Variants in OTUD7A observed in about 807,000 individuals in gnomAD.
The protein encoded by OTUD7A is OTU deubiquitinase 7A, also known as OTU domain-containing protein 7A.
A neutral mutation model predicts 65.7 loss-of-function variants in OTUD7A; 12 were observed. The observed-to-expected ratio is 0.18, with a 90% confidence interval of 0.12 to 0.30. The LOEUF is 0.30. Among genes scored for constraint, OTUD7A ranks in the 10% least tolerant of loss-of-function variants. The probability of loss-of-function intolerance (pLI) is 1.00; values close to 1 mark genes in which losing one functional copy is unlikely to be tolerated. For synonymous variants in OTUD7A, 641 were observed against 586.3 expected (o/e 1.09, Z -1.35); for missense variants, 1,148 against 1,304.8 (o/e 0.88, Z 1.85).
At chr15:31,851,785 C>G (rs528923764) in intron 1 of OTUD7A, among the ~76,000 whole-genome samples, 1 of 152,320 alleles carries the variant, frequency 6.6e-6, no homozygotes, top group East Asian at 1.9e-4. Flanking sequence ...ACTCTACAAA[C>G]TTGGAGGCAG....
In OTUD7A at chr15:31,484,458, C is replaced by A; in HGVS notation, c.1638G>T (p.Val546=). 2 of 1,605,150 alleles carry A rather than the reference C, an allele frequency of 1.2e-6. No homozygotes were observed. Among genetic ancestry groups the A allele is most frequent in the Non-Finnish European group, 1.7e-6 (2 of 1,179,916 alleles). ...AGTTGGCGCGGCCCATCTTGCCGTG[C>A]ACCAGGCCGCCGAGGCCGCCCATGT... is the stretch of plus-strand genomic sequence containing the variant. ...KKNMGGLGGL[V]HGKMGRANSA... The change falls in exon 13 of 13, where the codon GTG becomes GTT. Residue 546 remains valine, a synonymous_variant. Coordinates refer to ENST00000307050, the MANE Select transcript of OTUD7A (RefSeq NM_001382637.1). The surrounding 1 kb of genome is among the most constrained non-coding windows in gnomAD (Gnocchi z 4.5).
intron 1 of OTUD7A, among the ~76,000 whole-genome samples, chr15:31,703,753 A>G (rs1347427709): frequency 1.3e-5 from 2 of 150,228 alleles, no homozygotes; most frequent in East Asian, 2.0e-4. Flanking sequence ...ATTCACCCAA[A>G]CACCTTTATA....
At chr15:31,608,215 C>A (rs1890292194) in intron 3 of OTUD7A, among the ~76,000 whole-genome samples, 1 of 151,990 alleles carries the variant, frequency 6.6e-6, no homozygotes, top group South Asian at 2.1e-4. Context: ...GCACTGCACT[C>A]CAGCCTGGAG....
intron 1 of OTUD7A, among the ~76,000 whole-genome samples, chr15:31,863,796 A>T (rs1298485197): frequency 6.6e-6 from 1 of 152,176 alleles, no homozygotes; most frequent in East Asian, 1.9e-4. Flanking sequence ...ACTTATGCAC[A>T]TTTCTGAAGC....
chr15:31,841,368 C>G (rs918673555), intron 1 of OTUD7A, among the ~76,000 whole-genome samples: 1 of 152,168 alleles, frequency 6.6e-6, no homozygotes, highest in African/African-American at 2.4e-5. Context: ...ATGTCCTCAG[C>G]GTCCAAGGCA....
chr15:31,736,533 A>G (rs1251806983), intron 1 of OTUD7A, among the ~76,000 whole-genome samples: 1 of 152,190 alleles, frequency 6.6e-6, no homozygotes, highest in Non-Finnish European at 1.5e-5. Context: ...AAACTGTAGA[A>G]AAGAATGACA....
intron 1 of OTUD7A, among the ~76,000 whole-genome samples, chr15:31,741,455 G>T (rs1489060560): frequency 6.6e-6 from 1 of 152,132 alleles, no homozygotes; most frequent in Non-Finnish European, 1.5e-5. Flanking sequence ...TAAAAGTTGG[G>T]TGATGAATAC....
rs890781375 is a variant in OTUD7A at position 31,617,782 on chromosome 15, T to A, written c.151+37314A>T. Among the ~76,000 whole-genome samples the A allele has an allele frequency of 5.3e-5, 8 of 152,268 alleles. No individual in the cohort carries two copies. The South Asian group carries it at 1.7e-3, about 32-fold the overall frequency. ...TTTTTATTTTTATTTTATTATTTTTTAATTTTTTTATTATACTTTAAGTTC... is the reference window on the plus strand; with the variant it reads ...TTTTTATTTTTATTTTATTATTTTTAAATTTTTTTATTATACTTTAAGTTC... On this transcript the variant is annotated intron_variant, in intron 3 of 12. Coordinates refer to ENST00000307050, the MANE Select transcript of OTUD7A (RefSeq NM_001382637.1).
At chr15:31,597,317 T>C (rs1889934975) in intron 3 of OTUD7A, among the ~76,000 whole-genome samples, 1 of 152,202 alleles carries the variant, frequency 6.6e-6, no homozygotes, top group Non-Finnish European at 1.5e-5. Flanking sequence ...TAGCCCTTTT[T>C]TGGCCTCTCT....
chr15:31,714,033 T>G (rs374614454), intron 1 of OTUD7A, among the ~76,000 whole-genome samples: 3 of 146,804 alleles, frequency 2.0e-5, no homozygotes, highest in Admixed American at 7.0e-5. Context: ...CTGGTGTGAG[T>G]GTAATTAGTA....
intron 3 of OTUD7A, among the ~76,000 whole-genome samples, chr15:31,615,850 C>G (rs533638033): frequency 6.6e-6 from 1 of 152,312 alleles, no homozygotes; most frequent in South Asian, 2.1e-4. Flanking sequence ...AGGCTTCAAC[C>G]GCGGTCTGAG....
intron 4 of OTUD7A, among the ~76,000 whole-genome samples, chr15:31,564,022 G>A (rs1355505509): frequency 1.3e-5 from 2 of 152,050 alleles, no homozygotes; most frequent in African/African-American, 4.8e-5. Context: ...TAAAAAATGA[G>A]CCTAGTAAAT....
chr15:31,726,278 A>G (rs566466197), intron 1 of OTUD7A, among the ~76,000 whole-genome samples: 16 of 152,232 alleles, frequency 1.1e-4, no homozygotes, highest in African/African-American at 3.6e-4. Flanking sequence ...TAGTTCCTAC[A>G]TGACTCTGGA....
intron 8 of OTUD7A, among the ~76,000 whole-genome samples, chr15:31,524,417 C>G (rs1045621964): frequency 2.6e-5 from 4 of 152,136 alleles, no homozygotes; most frequent in African/African-American, 7.2e-5. Flanking sequence ...TTACCTAATC[C>G]CATTGAGGCT....
At chr15:31,514,480 C>G (rs1253828918) in intron 8 of OTUD7A, among the ~76,000 whole-genome samples, 1 of 152,166 alleles carries the variant, frequency 6.6e-6, no homozygotes, top group African/African-American at 2.4e-5. Flanking sequence ...TTATTTTCAT[C>G]TTTCTCTCCC....
chr15:31,574,059 A>G lies in OTUD7A; in HGVS notation c.152-3862T>C, dbSNP rs144633238. Among the ~76,000 whole-genome samples the G allele has an allele frequency of 4.2e-3, 641 of 152,302 alleles. 6 individuals are homozygous for G. The highest frequency in any genetic ancestry group is 0.014 in the African/African-American group (585 of 41,568). Reference sequence around the variant, plus strand: ...AGAGAGAGGGGAGAATGAAGGAAGAAGATAGAAGCTTGTTTTATTGAGGCA... The same window carrying G: ...AGAGAGAGGGGAGAATGAAGGAAGAGGATAGAAGCTTGTTTTATTGAGGCA... On this transcript the variant is annotated intron_variant, in intron 3 of 12. Transcript: ENST00000307050.
intron 1 of OTUD7A, among the ~76,000 whole-genome samples, chr15:31,697,404 T>C (rs1408166343): frequency 6.9e-6 from 1 of 144,094 alleles, no homozygotes; most frequent in Non-Finnish European, 1.5e-5. Context: ...TTTACTCGCA[T>C]GCTGTCTGCT....
chr15:31,688,525 AG>A (rs747069380), intron 1 of OTUD7A, among the ~76,000 whole-genome samples: 8 of 152,024 alleles, frequency 5.3e-5, no homozygotes, highest in Non-Finnish European at 1.2e-4. Flanking sequence ...ATTGAACACT[AG>A]GCAGGGAAAA....
intron 1 of OTUD7A, among the ~76,000 whole-genome samples, chr15:31,738,553 G>C (rs1000222085): frequency 3.3e-5 from 5 of 152,132 alleles, no homozygotes; most frequent in Non-Finnish European, 7.3e-5. Flanking sequence ...TCCCTAATTT[G>C]ACAACCCAGG....
Sources: allele counts gnomAD v4.1 joint callset (sites outside exome capture counted in the v4.1 genomes callset), GRCh38; gene constraint gnomAD v4.1.1; non-coding constraint Gnocchi (gnomAD v3.1); transcripts MANE v1.5; gene names NCBI Gene and HGNC (gene_info 2026-07-23, HGNC 2026-07-21).